Variants in SLIT3 observed in about 807,000 individuals in gnomAD.
SLIT3 encodes the protein slit homolog 3 protein.
A neutral mutation model predicts 184.0 loss-of-function variants in SLIT3; 68 were observed. The ratio of observed to expected loss-of-function variants is 0.37; its 90% CI spans 0.30 to 0.45. The LOEUF (loss-of-function observed/expected upper bound fraction) is 0.45, where lower values mean the gene tolerates loss of function less well. Ranked by LOEUF, SLIT3 falls within the 20% of genes least tolerant of loss-of-function variation. SLIT3 has a pLI of 1.00. For missense variants in SLIT3, 1,707 were observed against 2,026.0 expected (o/e 0.84, Z 3.02); for synonymous variants, 831 against 828.6 (o/e 1.00, Z -0.05).
chr5:169,248,116 T>A (rs981326890), intron 2 of SLIT3, among the ~76,000 whole-genome samples: 1 of 152,056 alleles, frequency 6.6e-6, no homozygotes, highest in African/African-American at 2.4e-5. Flanking sequence ...CAGTCCCTAC[T>A]TTTGCCAGGC....
intron 5 of SLIT3, among the ~76,000 whole-genome samples, chr5:168,882,439 G>A (rs1411907695): frequency 1.3e-5 from 2 of 152,166 alleles, no homozygotes; most frequent in Admixed American, 6.5e-5. Context: ...ACAGTCCTGC[G>A]CTTGACTATG....
At chr5:169,036,240 T>G (rs1757242166) in intron 4 of SLIT3, 1 of 152,202 alleles carries the variant, frequency 6.6e-6, no homozygotes. Flanking sequence ...GTCCCTGAAG[T>G]GCCTTTCCTC....
intron 10 of SLIT3, 64 bp from the exon 11 acceptor site, chr5:168,789,695 G>A: frequency 8.3e-7 from 1 of 1,204,390 alleles, no homozygotes; most frequent in Non-Finnish European, 1.2e-6. Context: ...TCACTCCTAA[G>A]TGTGAATCAA....
intron 3 of SLIT3, among the ~76,000 whole-genome samples, chr5:169,207,304 C>T (rs1171167255): frequency 6.6e-6 from 1 of 151,614 alleles, no homozygotes; most frequent in African/African-American, 2.4e-5. Context: ...CAGGGACCCT[C>T]ACAAATAGAT....
chr5:169,161,981 CGT>C (rs10554511), intron 4 of SLIT3, among the ~76,000 whole-genome samples: 4,425 of 152,240 alleles, frequency 0.029, 84 homozygotes, highest in South Asian at 0.096. Flanking sequence ...GGTGCCAACA[CGT>C]GTTTAGCACA....
intron 4 of SLIT3, among the ~76,000 whole-genome samples, chr5:169,159,503 CG>C (rs753349635): frequency 1.3e-5 from 2 of 149,210 alleles, no homozygotes; most frequent in African/African-American, 2.5e-5. Context: ...AGGCCAGGCG[CG>C]GTAGCTCACG....
intron 14 of SLIT3, among the ~76,000 whole-genome samples, chr5:168,768,427 A>AC: frequency 6.6e-6 from 1 of 152,088 alleles, no homozygotes; most frequent in East Asian, 1.9e-4. Context: ...GCCCCACCCC[A>AC]GGGAGACACA....
intron 3 of SLIT3, among the ~76,000 whole-genome samples, chr5:169,226,465 T>G (rs1764813740): frequency 6.6e-6 from 1 of 152,170 alleles, no homozygotes; most frequent in South Asian, 2.1e-4. Context: ...AAGAGGGGCC[T>G]GAGCTTTGGT....
chr5:168,666,394 A>G lies in SLIT3; in HGVS notation c.*60T>C, dbSNP rs981612896. 4 of 1,461,536 alleles carry G rather than the reference A, an allele frequency of 2.7e-6. No homozygotes were observed. The highest frequency in any genetic ancestry group is 3.6e-6 in the Non-Finnish European group (4 of 1,107,488). 90.5% of individuals were successfully genotyped at this position (1,461,536 alleles called of 1,614,324 possible). ...ATGCTGAATCACCAGGGGGTCCCACATGGCTGTCCCAACTCCATCAAGCTG... is the reference window on the plus strand; with the variant it reads ...ATGCTGAATCACCAGGGGGTCCCACGTGGCTGTCCCAACTCCATCAAGCTG... On this transcript the variant is annotated 3_prime_UTR_variant, in exon 36 of 36. Transcript: ENST00000519560.
intron 3 of SLIT3, among the ~76,000 whole-genome samples, chr5:169,223,330 T>A (rs1764680585): frequency 6.6e-6 from 1 of 152,246 alleles, no homozygotes; most frequent in South Asian, 2.1e-4. Context: ...ATCTGCAGTC[T>A]GCAGCCAGCC....
intron 4 of SLIT3, among the ~76,000 whole-genome samples, chr5:169,117,098 A>C (rs1760696462): frequency 6.6e-6 from 1 of 152,164 alleles, no homozygotes; most frequent in Admixed American, 6.5e-5. Context: ...TATCCTGTGA[A>C]GCGACTGGAG....
At chr5:168,758,380 A>C (rs1211481330) in intron 16 of SLIT3, among the ~76,000 whole-genome samples, 1 of 152,228 alleles carries the variant, frequency 6.6e-6, no homozygotes, top group Non-Finnish European at 1.5e-5. Context: ...CCTGTTCAGA[A>C]GACAAATATG....
At chr5:169,188,918 C>A (rs1312500818) in intron 4 of SLIT3, among the ~76,000 whole-genome samples, 1 of 152,176 alleles carries the variant, frequency 6.6e-6, no homozygotes, top group Non-Finnish European at 1.5e-5. Flanking sequence ...TCCTCCTGTC[C>A]TCTGCTCTGG....
intron 26 of SLIT3, among the ~76,000 whole-genome samples, chr5:168,704,181 T>C (rs1222724270): frequency 1.3e-5 from 2 of 151,362 alleles, no homozygotes. Context: ...CAGTGATTCT[T>C]ATGCACACAA....
chr5:168,861,815 G>A (rs1326016712), intron 5 of SLIT3, among the ~76,000 whole-genome samples: 1 of 152,206 alleles, frequency 6.6e-6, no homozygotes, highest in Non-Finnish European at 1.5e-5. Flanking sequence ...CTTTAAGATG[G>A]CCAGAACATG....
chr5:169,050,487 A>T (rs1757778298), intron 4 of SLIT3, among the ~76,000 whole-genome samples: 1 of 152,182 alleles, frequency 6.6e-6, no homozygotes, highest in African/African-American at 2.4e-5. Context: ...GTCTGTGCCC[A>T]GATAATTGGT....
At position 168,685,950 on chromosome 5, in the gene SLIT3, G is replaced by T. The variant is rs200751949; in HGVS notation, c.3315-23C>A. On this transcript the variant is annotated intron_variant, in intron 30 of 35. Transcript: ENST00000519560. ...CCACTGGAAGGCAGGAGAGAATGGG[G>T]AGGGAGATAGGAGAATGGCCAAGAG... The T allele has an allele frequency of 5.6e-5, 89 of 1,591,890 alleles. 1 individual carries two copies. The highest frequency in any genetic ancestry group is 5.0e-4 in the Middle Eastern group (3 of 5,966).
chr5:169,039,210 T>G (rs1757362193), intron 4 of SLIT3, among the ~76,000 whole-genome samples: 1 of 151,842 alleles, frequency 6.6e-6, no homozygotes, highest in Non-Finnish European at 1.5e-5. Flanking sequence ...ACAGAGGAAG[T>G]ACATTACCCT....
intron 4 of SLIT3, among the ~76,000 whole-genome samples, chr5:169,192,862 G>C (rs909140452): frequency 1.3e-5 from 2 of 152,144 alleles, no homozygotes; most frequent in Middle Eastern, 3.2e-3. Context: ...TGCAACTCCA[G>C]CTCCTGGGCT....
Sources: gnomAD v4.1 joint callset for allele counts (sites outside exome capture counted in the v4.1 genomes callset) on GRCh38, gnomAD v4.1.1 for gene constraint, MANE v1.5 for transcripts, NCBI Gene and HGNC (gene_info 2026-07-23, HGNC 2026-07-21) for gene names.